MBP: variants seen among roughly 807,000 people sequenced by gnomAD.
MBP encodes the protein Golli-MBP.
In MBP, 16 loss-of-function variants were observed where a neutral mutation model predicts 35.8. The observed-to-expected ratio is 0.45, with a 90% confidence interval of 0.30 to 0.68. The LOEUF (loss-of-function observed/expected upper bound fraction) is 0.68, where lower values mean the gene tolerates loss of function less well. Ranked by LOEUF, MBP falls within the 30% of genes least tolerant of loss-of-function variation. The pLI is 0.08. For missense variants in MBP, 380 were observed against 404.7 expected (o/e 0.94, Z 0.52); for synonymous variants, 143 against 159.6 (o/e 0.90, Z 0.78).
rs867993639 is a variant in MBP at position 77,131,073 on chromosome 18, G to A, written c.-26+1507C>T. Among the ~76,000 whole-genome samples, 30 of 37,166 alleles carry A rather than the reference G, an allele frequency of 8.1e-4. No homozygotes were observed. The highest frequency in any genetic ancestry group is 3.7e-3 in the East Asian group (7 of 1,882). The allele number at this position is 37,166 out of a possible 152,430, so 24.4% of individuals were successfully genotyped here. On this transcript the variant is annotated intron_variant, in intron 1 of 8. Transcript: ENST00000355994. The surrounding 1 kb of genome is among the most constrained non-coding windows in gnomAD (Gnocchi z 5.5). ...CTCAAAAAACAAAACACACACACGC[G>A]CGCACGCACGCGCACACACACACAC...
intron 2 of MBP, 164 bp from the exon 3 acceptor site, chr18:77,066,549 CG>C: frequency 3.9e-6 from 3 of 766,488 alleles, no homozygotes; most frequent in Admixed American, 3.4e-5. Context: ...GGGTTTTCTG[CG>C]CAGGATTCGG....
Position 76,989,949 on chromosome 18 carries a change from C to T in MBP, c.681+7G>A, listed in dbSNP as rs779161277. On this transcript the variant is annotated splice_region_variant and intron_variant, in intron 5 of 8. Transcript: ENST00000355994. This position sits in a 1 kb window ranked among gnomAD's most constrained non-coding sequence, Gnocchi z 4.0. Reference sequence around the variant, plus strand: ...GTTGCTACCTCTTCCCATCGATCGTCACTTACAATGTTCTTGAAGAAGTGG... The same window carrying T: ...GTTGCTACCTCTTCCCATCGATCGTTACTTACAATGTTCTTGAAGAAGTGG... The T allele has an allele frequency of 6.2e-7, 1 of 1,608,508 alleles. No individual in the cohort carries two copies. Among genetic ancestry groups the T allele is most frequent in the African/African-American group, 1.3e-5 (1 of 74,870 alleles).
At chr18:77,095,832 C>G (rs573440159) in intron 2 of MBP, among the ~76,000 whole-genome samples, 2 of 152,340 alleles carry the variant, frequency 1.3e-5, no homozygotes, top group Non-Finnish European at 2.9e-5. Context: ...ATTCTTTTAA[C>G]AAACAGTTCC....
In MBP at chr18:77,050,342, T is replaced by C. The variant is rs528393243; in HGVS notation, c.139+15956A>G. Among the ~76,000 whole-genome samples the C allele has an allele frequency of 7.9e-5, 12 of 152,330 alleles. No homozygotes were observed. The South Asian group carries it at 2.5e-3, about 32-fold the overall frequency. On this transcript the variant is annotated intron_variant, in intron 3 of 8. Transcript: ENST00000355994. ...ACCAAAACTAAGTATTTTAAAATAA[T>C]TTTTGGAGATAAACTAAAGCTCTGA...
intron 4 of MBP, chr18:77,014,595 A>G: frequency 1.0e-6 from 1 of 985,358 alleles, no homozygotes; most frequent in Non-Finnish European, 1.2e-6. Context: ...AAAACCAAAA[A>G]TTCCTCCATG....
At chr18:77,120,801 G>C (rs9319657) in intron 1 of MBP, among the ~76,000 whole-genome samples, 93,269 of 151,990 alleles carry the variant, frequency 0.61, 28,915 homozygotes, top group East Asian at 0.72. Context: ...GAATAAACCT[G>C]TGTGTGTGCA....
At chr18:77,063,927 TG>T (rs1974088828) in intron 3 of MBP, among the ~76,000 whole-genome samples, 1 of 152,074 alleles carries the variant, frequency 6.6e-6, no homozygotes, top group Non-Finnish European at 1.5e-5. Context: ...TGTGTGTATG[TG>T]TGTATTTGAT....
At chr18:76,994,670 A>G (rs1431992863) in intron 4 of MBP, among the ~76,000 whole-genome samples, 1 of 152,230 alleles carries the variant, frequency 6.6e-6, no homozygotes, top group African/African-American at 2.4e-5. Context: ...TGATGTTGGT[A>G]GGTTTTATTT....
intron 7 of MBP, chr18:76,986,135 G>C: frequency 1.0e-6 from 1 of 985,578 alleles, no homozygotes; most frequent in Non-Finnish European, 1.2e-6. Flanking sequence ...TCTGTGGGAA[G>C]GCTGACCACG....
intron 4 of MBP, chr18:77,015,248 CT>C (rs1971557838): frequency 1.0e-6 from 1 of 982,488 alleles, no homozygotes; most frequent in African/African-American, 1.8e-5. Context: ...TTCATCTTTT[CT>C]GCACAGTTTA....
intron 3 of MBP, among the ~76,000 whole-genome samples, chr18:77,033,069 G>C (rs1479874997): frequency 6.6e-6 from 1 of 152,182 alleles, no homozygotes; most frequent in Non-Finnish European, 1.5e-5. Flanking sequence ...CCAGGTTCAA[G>C]TGATTCTCCT....
intron 7 of MBP, chr18:76,985,269 C>T: frequency 5.3e-6 from 7 of 1,327,456 alleles, no homozygotes; most frequent in Non-Finnish European, 6.9e-6. Flanking sequence ...AAGGAGGCTC[C>T]TGCCTACACG....
rs1975129227 is a variant in MBP, at chr18:77,084,429, CACCACA to C, written c.52-18050_52-18045del. Among the ~76,000 whole-genome samples the C allele has an allele frequency of 4.0e-4, 12 of 29,824 alleles. No individual in the cohort carries two copies. The East Asian group carries it at 0.012, about 31-fold the overall frequency. 19.6% of individuals were successfully genotyped at this position (29,824 alleles called of 152,430 possible). ...CAACACCGCCCCCCCCGCCACACCA[CACCACA>C]CACACACACACACACACACACACAC... On this transcript the variant is annotated intron_variant, in intron 2 of 8. Coordinates refer to ENST00000355994, the MANE Select transcript of MBP (RefSeq NM_001025101.2).
At position 77,044,297 on chromosome 18, in the gene MBP, G is replaced by A. The variant is rs1426444948; in HGVS notation, c.139+22001C>T. ...GGCTCAAAGACTGCATGCCTGAGAC[G>A]GGGTCCAAACCCCTCTTCAACTGTC... On this transcript the variant is annotated intron_variant, in intron 3 of 8. Transcript: ENST00000355994. The surrounding 1 kb of genome is among the most constrained non-coding windows in gnomAD (Gnocchi z 4.4). Among the ~76,000 whole-genome samples, 2 of 152,040 alleles carry A rather than the reference G, an allele frequency of 1.3e-5. No homozygotes were observed. The highest frequency in any genetic ancestry group is 1.5e-5 in the Non-Finnish European group (1 of 68,004).
chr18:77,009,704 T>G (rs1971220171), intron 4 of MBP: 1 of 706,494 alleles, frequency 1.4e-6, no homozygotes. Flanking sequence ...CCTGCCTCCC[T>G]GCTTTCACGG....
chr18:77,011,035 C>T (rs536685943), intron 4 of MBP, among the ~76,000 whole-genome samples: 25 of 152,188 alleles, frequency 1.6e-4, no homozygotes, highest in South Asian at 6.2e-4. Context: ...AGAGTAGTTC[C>T]GACACTGAAG....
chr18:77,133,123 G>C (rs1036719853), upstream of MBP, among the ~76,000 whole-genome samples: 7 of 152,178 alleles, frequency 4.6e-5, no homozygotes, highest in East Asian at 1.4e-3. Context: ...CTCGCGGGAG[G>C]GGTGCCAGGC....
intron 4 of MBP, among the ~76,000 whole-genome samples, chr18:76,999,791 C>T (rs895793963): frequency 5.9e-5 from 9 of 151,988 alleles, no homozygotes; most frequent in African/African-American, 2.2e-4. Flanking sequence ...TTTAGTAATT[C>T]CCTGATATAC....
At chr18:77,034,595 C>G (rs776650080) in intron 3 of MBP, among the ~76,000 whole-genome samples, 3 of 152,196 alleles carry the variant, frequency 2.0e-5, no homozygotes, top group Admixed American at 1.3e-4. Flanking sequence ...TGGAGCCTCC[C>G]GCTGCCTCTG....
Sources: allele counts gnomAD v4.1 joint callset (sites outside exome capture counted in the v4.1 genomes callset), GRCh38; gene constraint gnomAD v4.1.1; non-coding constraint Gnocchi (gnomAD v3.1); transcripts MANE v1.5; gene names NCBI Gene and HGNC (gene_info 2026-07-23, HGNC 2026-07-21).